SUGCT: variants seen among roughly 807,000 people sequenced by gnomAD.
The protein encoded by SUGCT is succinyl-CoA:glutarate CoA-transferase.
A neutral mutation model predicts 55.0 loss-of-function variants in SUGCT; 41 were observed. The observed-to-expected ratio is 0.74, with a 90% CI of 0.58 to 0.97. SUGCT has a LOEUF of 0.97. Among genes scored for constraint, SUGCT ranks in the 50% least tolerant of loss-of-function variants. The pLI is 0.00. For missense variants in SUGCT, 568 were observed against 547.8 expected (o/e 1.04, Z -0.37); for synonymous variants, 187 against 200.4 (o/e 0.93, Z 0.56).
At chr7:40,876,480 G>A in the SUGCT span, among the ~76,000 whole-genome samples, 1 of 152,146 alleles carries the variant, frequency 6.6e-6, no homozygotes, top group African/African-American at 2.4e-5. Context: ...TACAGGCTGG[G>A]CATATTGAAG....
intron 12 of SUGCT, among the ~76,000 whole-genome samples, chr7:40,729,192 G>A (rs193282914): frequency 6.6e-5 from 10 of 152,230 alleles, no homozygotes; most frequent in African/African-American, 2.4e-4. Flanking sequence ...TGCTTGCTGC[G>A]TGCCAAGTAG....
chr7:40,812,834 C>A lies in SUGCT; in HGVS notation c.1154-47482C>A, dbSNP rs533440665. Among the ~76,000 whole-genome samples, 3 of 152,162 alleles carry A rather than the reference C, an allele frequency of 2.0e-5. No individual in the cohort carries two copies. In the East Asian group the frequency reaches 5.8e-4, roughly 29 times the overall value. The stretch of plus-strand genomic sequence containing the variant: ...GATTGTTAATTTGAGATCTTTCTAA[C>A]CTTTTGAGGTAGGTTTTTAGTGCTA... On this transcript the variant is annotated intron_variant, in intron 13 of 13. Coordinates refer to ENST00000335693, the MANE Select transcript of SUGCT (RefSeq NM_001193313.2).
intron 9 of SUGCT, among the ~76,000 whole-genome samples, chr7:40,434,714 T>G (rs1432214327): frequency 6.6e-6 from 1 of 152,204 alleles, no homozygotes; most frequent in East Asian, 1.9e-4. Context: ...GATCATCCAG[T>G]ACAAGAAGTG....
chr7:40,830,008 C>A (rs918621664), intron 13 of SUGCT, among the ~76,000 whole-genome samples: 3 of 152,176 alleles, frequency 2.0e-5, no homozygotes, highest in African/African-American at 7.2e-5. Context: ...AAAAGGACAA[C>A]AATTTGATTC....
At chr7:40,686,601 A>G (rs1041550950) in intron 12 of SUGCT, among the ~76,000 whole-genome samples, 2 of 144,140 alleles carry the variant, frequency 1.4e-5, no homozygotes, top group Non-Finnish European at 1.6e-5. Flanking sequence ...ATAAGATGGT[A>G]AGCGGGCTTT....
intron 8 of SUGCT, among the ~76,000 whole-genome samples, chr7:40,314,870 G>A (rs1382463617): frequency 1.3e-5 from 2 of 152,020 alleles, no homozygotes; most frequent in Non-Finnish European, 2.9e-5. Context: ...GGCCCCTCTT[G>A]TCTTTTTATC....
chr7:40,801,699 T>C (rs1477613033), intron 13 of SUGCT, among the ~76,000 whole-genome samples: 2 of 152,184 alleles, frequency 1.3e-5, no homozygotes, highest in Non-Finnish European at 2.9e-5. Flanking sequence ...AATTGAAATC[T>C]TGTGGGACAT....
intron 1 of SUGCT, chr7:40,152,603 G>T: frequency 5.3e-6 from 1 of 187,012 alleles, no homozygotes. Flanking sequence ...GGAGTTTTAA[G>T]ATTACTAGTT....
chr7:40,335,946 T>A (rs1251135583), intron 9 of SUGCT, among the ~76,000 whole-genome samples: 4 of 152,202 alleles, frequency 2.6e-5, no homozygotes, highest in Non-Finnish European at 5.9e-5. Flanking sequence ...TATTGAGAGT[T>A]TGTAACATGA....
intron 9 of SUGCT, among the ~76,000 whole-genome samples, chr7:40,346,324 T>C (rs1470150872): frequency 1.3e-5 from 2 of 152,100 alleles, no homozygotes; most frequent in African/African-American, 4.8e-5. Context: ...TGTATTTAAA[T>C]TTTTCATAGT....
chr7:40,466,002 C>T (rs1267930847), intron 11 of SUGCT, among the ~76,000 whole-genome samples: 3 of 152,152 alleles, frequency 2.0e-5, no homozygotes, highest in African/African-American at 7.2e-5. Context: ...CTGCTTCAGT[C>T]TCCCAAGTAG....
the SUGCT span, among the ~76,000 whole-genome samples, chr7:41,001,150 CT>C: frequency 6.6e-6 from 1 of 152,078 alleles, no homozygotes. Context: ...CATGATGAGT[CT>C]GAAAACATTA....
rs115678918 is a variant in SUGCT, at chr7:40,652,647, T to C, written c.1090-96787T>C. Among the ~76,000 whole-genome samples the C allele has an allele frequency of 2.9e-3, 435 of 152,332 alleles. 3 individuals carry two copies. Among genetic ancestry groups the C allele is most frequent in the African/African-American group, 9.9e-3 (413 of 41,572 alleles). The stretch of plus-strand genomic sequence containing the variant: ...TGTTGATATTAGTTTTAGGTTTATT[T>C]TAGTATTTTTTCTGTCTTCATGGAT... On this transcript the variant is annotated intron_variant, in intron 12 of 13. Transcript: ENST00000335693.
chr7:40,714,941 T>C (rs1186203488), intron 12 of SUGCT, among the ~76,000 whole-genome samples: 1 of 152,176 alleles, frequency 6.6e-6, no homozygotes. Context: ...TGTTTAAATG[T>C]AGAAATATGT....
intron 9 of SUGCT, among the ~76,000 whole-genome samples, chr7:40,353,055 G>C (rs565688012): frequency 2.6e-5 from 4 of 152,040 alleles, no homozygotes; most frequent in Non-Finnish European, 5.9e-5. Flanking sequence ...TCATATGCTT[G>C]TTGGCCACAC....
the SUGCT span, among the ~76,000 whole-genome samples, chr7:40,895,997 C>G: frequency 6.6e-6 from 1 of 152,040 alleles, no homozygotes; most frequent in Non-Finnish European, 1.5e-5. Context: ...GAAGCCCTAG[C>G]CAGAGCAATT....
the SUGCT span, among the ~76,000 whole-genome samples, chr7:40,908,875 G>A: frequency 6.6e-6 from 1 of 152,134 alleles, no homozygotes; most frequent in Non-Finnish European, 1.5e-5. Flanking sequence ...ATTTTATTGA[G>A]TTCTACATGT....
At chr7:40,567,695 T>C (rs1001589591) in intron 12 of SUGCT, among the ~76,000 whole-genome samples, 2 of 152,214 alleles carry the variant, frequency 1.3e-5, no homozygotes, top group Non-Finnish European at 2.9e-5. Context: ...CTCTTCTTTG[T>C]TGGCCAACAT....
chr7:40,478,713 T>C (rs1354142175), intron 11 of SUGCT, among the ~76,000 whole-genome samples: 2 of 152,120 alleles, frequency 1.3e-5, no homozygotes, highest in Non-Finnish European at 2.9e-5. Flanking sequence ...TTGGCAAATT[T>C]CAAGTACAGA....
Sources: gnomAD v4.1 joint callset for allele counts (sites outside exome capture counted in the v4.1 genomes callset) on GRCh38, gnomAD v4.1.1 for gene constraint, MANE v1.5 for transcripts, NCBI Gene and HGNC (gene_info 2026-07-23, HGNC 2026-07-21) for gene names.